Variants in ARHGAP15 observed in about 807,000 individuals in gnomAD.
ARHGAP15 encodes Rho GTPase activating protein 15.
ARHGAP15 carries 51 observed loss-of-function variants against 63.7 expected under a neutral mutation model. The ratio of observed to expected loss-of-function variants is 0.80; its 90% CI spans 0.64 to 1.01. The LOEUF (loss-of-function observed/expected upper bound fraction) is 1.01, where lower values mean the gene tolerates loss of function less well. ARHGAP15 is among the 50% of genes least tolerant of loss of function. The pLI, the probability that ARHGAP15 is intolerant of heterozygous loss-of-function variation, is 0.00. For missense variants in ARHGAP15, 560 were observed against 564.6 expected (o/e 0.99, Z 0.08); for synonymous variants, 191 against 193.8 (o/e 0.99, Z 0.12).
At chr2:143,183,608 C>G (rs1236942059) in intron 2 of ARHGAP15, among the ~76,000 whole-genome samples, 3 of 152,002 alleles carry the variant, frequency 2.0e-5, no homozygotes, top group Non-Finnish European at 4.4e-5. Context: ...AAGTGTAGAA[C>G]AGCCGAAAGG....
intron 3 of ARHGAP15, among the ~76,000 whole-genome samples, chr2:143,208,557 C>T (rs1692440217): frequency 2.6e-5 from 4 of 152,124 alleles, no homozygotes; most frequent in Admixed American, 2.6e-4. Context: ...GTTATTTATG[C>T]CACATGTATG....
intron 12 of ARHGAP15, among the ~76,000 whole-genome samples, chr2:143,682,093 GA>G (rs1338751858): frequency 6.6e-6 from 1 of 152,210 alleles, no homozygotes; most frequent in African/African-American, 2.4e-5. Context: ...ATTAATTAAA[GA>G]AGGTAAGTTT....
intron 9 of ARHGAP15, among the ~76,000 whole-genome samples, chr2:143,488,946 G>C (rs1692448071): frequency 6.6e-6 from 1 of 152,146 alleles, no homozygotes; most frequent in South Asian, 2.1e-4. Flanking sequence ...GACAGTAATT[G>C]ACCCTCTACA....
intron 10 of ARHGAP15, 125 bp from the exon 11 acceptor site, chr2:143,556,283 G>T: frequency 3.0e-6 from 2 of 658,532 alleles, no homozygotes; most frequent in Non-Finnish European, 5.1e-6. Flanking sequence ...GCATAATTTA[G>T]AACACACAAA....
intron 2 of ARHGAP15, among the ~76,000 whole-genome samples, chr2:143,196,087 C>A (rs938960783): frequency 6.6e-6 from 1 of 151,966 alleles, no homozygotes; most frequent in Non-Finnish European, 1.5e-5. Context: ...TGATCCATAT[C>A]CTAATAAGAA....
chr2:143,558,265 T>G (rs1695890204), intron 11 of ARHGAP15, among the ~76,000 whole-genome samples: 1 of 152,092 alleles, frequency 6.6e-6, no homozygotes. Flanking sequence ...TCCCTTTACT[T>G]TCAATATCCT....
At chr2:143,731,734 T>A (rs1685546266) in intron 13 of ARHGAP15, among the ~76,000 whole-genome samples, 1 of 152,230 alleles carries the variant, frequency 6.6e-6, no homozygotes, top group African/African-American at 2.4e-5. Flanking sequence ...AGGCTATGCT[T>A]ATTATTTTTT....
At chr2:143,665,988 A>T (rs1182109510) in intron 12 of ARHGAP15, among the ~76,000 whole-genome samples, 2 of 149,568 alleles carry the variant, frequency 1.3e-5, no homozygotes, top group Admixed American at 1.3e-4. Context: ...AAATGGCCAT[A>T]CTGCCCAAGG....
At chr2:143,615,336 T>C (rs1371817745) in intron 11 of ARHGAP15, among the ~76,000 whole-genome samples, 1 of 152,162 alleles carries the variant, frequency 6.6e-6, no homozygotes, top group Non-Finnish European at 1.5e-5. Flanking sequence ...AGACAGAAAA[T>C]TCTAAGTTAG....
chr2:143,155,406 G>A (rs1170520154), intron 1 of ARHGAP15, 71 bp from the exon 2 acceptor site: 6 of 1,328,358 alleles, frequency 4.5e-6, no homozygotes, highest in Non-Finnish European at 6.1e-6. Context: ...GATTACTAGG[G>A]ACACTCCATC....
intron 1 of ARHGAP15, among the ~76,000 whole-genome samples, chr2:143,151,797 C>T (rs1689833114): frequency 6.6e-6 from 1 of 151,844 alleles, no homozygotes; most frequent in South Asian, 2.1e-4. Context: ...CCCAAAACAA[C>T]TTGCAAAATA....
intron 6 of ARHGAP15, among the ~76,000 whole-genome samples, chr2:143,383,773 C>T (rs911272858): frequency 2.0e-5 from 3 of 152,010 alleles, no homozygotes; most frequent in Admixed American, 6.6e-5. Flanking sequence ...TCACATAGAC[C>T]TAGTCTTATA....
intron 2 of ARHGAP15, among the ~76,000 whole-genome samples, chr2:143,178,963 A>G (rs1380419263): frequency 2.0e-5 from 3 of 152,250 alleles, no homozygotes; most frequent in African/African-American, 2.4e-5. Context: ...TTAGAAAGCA[A>G]CACTAAAATC....
At chr2:143,146,221 A>T (rs981492913) in intron 1 of ARHGAP15, among the ~76,000 whole-genome samples, 2 of 152,058 alleles carry the variant, frequency 1.3e-5, no homozygotes, top group African/African-American at 4.8e-5. Context: ...TTAAAAATAG[A>T]CTTGTGGTTA....
In ARHGAP15 at chr2:143,768,090, C is replaced by A. The variant is rs748925321; in HGVS notation, c.1346C>A (p.Ala449Glu). ...LRAENETGNM[A>E]IHMVYQNQIA... The stretch of plus-strand genomic sequence containing the variant: ...GCTGAAAATGAAACAGGAAACATGG[C>A]GATCCACATGGTCTACCAGAACCAG... The change falls in exon 14 of 14, where the codon GCG becomes GAG. Residue 449 changes from alanine (A) to glutamate (E), a missense_variant. Transcript: ENST00000295095. The A allele has an allele frequency of 1.7e-5, 28 of 1,613,742 alleles. No individual in the cohort carries two copies. The highest frequency in any genetic ancestry group is 2.1e-5 in the Non-Finnish European group (25 of 1,179,776).
chr2:143,149,366 T>G (rs1689724513), intron 1 of ARHGAP15, among the ~76,000 whole-genome samples: 1 of 152,034 alleles, frequency 6.6e-6, no homozygotes, highest in African/African-American at 2.4e-5. Context: ...TATGGCCATT[T>G]CTTGCCTCTG....
intron 6 of ARHGAP15, among the ~76,000 whole-genome samples, chr2:143,332,638 T>C (rs1327971006): frequency 6.6e-6 from 1 of 152,192 alleles, no homozygotes; most frequent in Non-Finnish European, 1.5e-5. Flanking sequence ...TATGAATTCA[T>C]GAAAGTGTTT....
intron 6 of ARHGAP15, among the ~76,000 whole-genome samples, chr2:143,271,297 C>T (rs1220474960): frequency 1.3e-5 from 2 of 152,198 alleles, no homozygotes; most frequent in Admixed American, 1.3e-4. Flanking sequence ...TACAAGTTTT[C>T]TGTTACTGAG....
intron 12 of ARHGAP15, among the ~76,000 whole-genome samples, chr2:143,628,521 A>G (rs563202693): frequency 6.6e-6 from 1 of 152,228 alleles, no homozygotes; most frequent in African/African-American, 2.4e-5. Context: ...CAACCCGTTC[A>G]CCCTTGCCAC....
Sources: allele counts gnomAD v4.1 joint callset (sites outside exome capture counted in the v4.1 genomes callset), GRCh38; gene constraint gnomAD v4.1.1; transcripts MANE v1.5; gene names NCBI Gene and HGNC (gene_info 2026-07-23, HGNC 2026-07-21).